The following KIF3A variants were observed in gnomAD, a reference collection of about 807,000 sequenced individuals.
The protein encoded by KIF3A is kinesin-like protein KIF3A.
A neutral mutation model predicts 92.6 loss-of-function variants in KIF3A; 27 were observed. That is an observed-to-expected ratio of 0.29 (90% CI 0.21 to 0.40). The LOEUF (loss-of-function observed/expected upper bound fraction) is 0.40. Among genes scored for constraint, KIF3A ranks in the 10% least tolerant of loss-of-function variants. The pLI is 1.00. For synonymous variants in KIF3A, 250 were observed against 275.4 expected (o/e 0.91, Z 0.92); for missense variants, 581 against 872.6 (o/e 0.67, Z 4.21).
At chr5:132,732,336 C>T (rs1754259694) in intron 2 of KIF3A, among the ~76,000 whole-genome samples, 2 of 152,182 alleles carry the variant, frequency 1.3e-5, no homozygotes, top group Admixed American at 1.3e-4. Flanking sequence ...AGAAACTAAA[C>T]ATATGTTCAC....
chr5:132,702,859 A>C, intron 13 of KIF3A, 26 bp downstream of exon 13: 1 of 1,604,448 alleles, frequency 6.2e-7, no homozygotes, highest in East Asian at 2.2e-5. Context: ...GCAAAATACC[A>C]AACTAAAAAC....
At chr5:132,728,264 C>A (rs996195051) in intron 2 of KIF3A, among the ~76,000 whole-genome samples, 4 of 151,918 alleles carry the variant, frequency 2.6e-5, no homozygotes, top group African/African-American at 9.7e-5. Context: ...AGCAGTGGCA[C>A]GATCATAGCT....
chr5:132,700,518 A>G (rs1752998069), intron 16 of KIF3A, 129 bp downstream of exon 16: 1 of 683,134 alleles, frequency 1.5e-6, no homozygotes, highest in Non-Finnish European at 2.6e-6. Flanking sequence ...AAAATATTTT[A>G]TCTGCCCTAC....
chr5:132,730,450 G>A (rs1754188501), intron 2 of KIF3A, among the ~76,000 whole-genome samples: 1 of 146,336 alleles, frequency 6.8e-6, no homozygotes, highest in Non-Finnish European at 1.5e-5. Context: ...CTGGGCAACA[G>A]AGCAAGACTC....
downstream of KIF3A, among the ~76,000 whole-genome samples, chr5:132,691,357 G>C (rs1859138): frequency 0.52 from 78,745 of 151,368 alleles, 25,427 homozygotes; most frequent in Non-Finnish European, 0.74. Context: ...AGACGAGCCT[G>C]ACCAACATGG....
chr5:132,689,186 C>T (rs934455551), downstream of KIF3A, among the ~76,000 whole-genome samples: 1 of 152,194 alleles, frequency 6.6e-6, no homozygotes, highest in African/African-American at 2.4e-5. Flanking sequence ...GCAAATGAAA[C>T]AGCTTAAGAC....
chr5:132,690,203 G>C (rs1447626661), downstream of KIF3A, among the ~76,000 whole-genome samples: 1 of 151,550 alleles, frequency 6.6e-6, no homozygotes, highest in Non-Finnish European at 1.5e-5. Flanking sequence ...GCAACAGAGT[G>C]AGACTCTGTC....
chr5:132,728,110 T>C (rs1487478048), intron 2 of KIF3A, among the ~76,000 whole-genome samples: 4 of 152,198 alleles, frequency 2.6e-5, no homozygotes, highest in African/African-American at 7.2e-5. Flanking sequence ...CATTTCAGAA[T>C]AGACACATTA....
Position 132,694,018 on chromosome 5 carries a change from T to A in KIF3A, c.*2616A>T, listed in dbSNP as rs935302382. ...AAGATATTCAGGCCAGGCTTATGTA[T>A]CAAATTTTGGTATTTCTGAGATGGA... On this transcript the variant is annotated 3_prime_UTR_variant, in exon 19 of 19. Coordinates refer to ENST00000403231, the MANE Select transcript of KIF3A (RefSeq NM_001300791.2). The A allele has an allele frequency of 2.6e-5, 4 of 151,530 alleles. No individual in the cohort carries two copies. Among genetic ancestry groups the A allele is most frequent in the African/African-American group, 4.9e-5 (2 of 41,162 alleles). The allele number at this position is 151,530 out of a possible 1,614,324, so 9.4% of individuals were successfully genotyped here. A position where few individuals can be genotyped will look rare whatever the true frequency, so the allele number is the denominator to read the frequency against.
intron 1 of KIF3A, among the ~76,000 whole-genome samples, 170 bp downstream of exon 1, chr5:132,737,244 G>C (rs1337546886): frequency 6.6e-6 from 1 of 152,206 alleles, no homozygotes; most frequent in African/African-American, 2.4e-5. Flanking sequence ...GGACCCCCGC[G>C]GCCCCGGGGC....
At chr5:132,709,011 C>G in intron 9 of KIF3A, 33 bp from the exon 10 acceptor site, 2 of 1,483,206 alleles carry the variant, frequency 1.3e-6, no homozygotes, top group African/African-American at 1.4e-5. Flanking sequence ...CAACAGGAAC[C>G]AAAGAAAGAG....
At chr5:132,690,346 G>T (rs141875822), downstream of KIF3A, among the ~76,000 whole-genome samples, 224 of 152,180 alleles carry the variant, frequency 1.5e-3, no homozygotes, top group African/African-American at 5.3e-3. Flanking sequence ...AGCTATGAAC[G>T]CACCACTGCA....
At chr5:132,699,622 G>A (rs1484763279) in intron 17 of KIF3A, 16 of 436,782 alleles carry the variant, frequency 3.7e-5, no homozygotes, top group South Asian at 1.3e-4. Flanking sequence ...GCAGTAGCGC[G>A]ATCTGGGCTC....
chr5:132,703,672 C>CT, intron 11 of KIF3A, 53 bp from the exon 12 acceptor site: 1 of 1,371,402 alleles, frequency 7.3e-7, no homozygotes, highest in African/African-American at 1.4e-5. Context: ...ATGTTTCAGA[C>CT]TTATATAAAT....
At chr5:132,716,589 T>C (rs967066551) in intron 6 of KIF3A, 147 bp from the exon 7 acceptor site, 21 of 778,738 alleles carry the variant, frequency 2.7e-5, no homozygotes, top group Non-Finnish European at 4.2e-5. Flanking sequence ...AAGGAAGAAG[T>C]GGGGGAGAGT....
chr5:132,711,993 A>C (rs989869386), intron 8 of KIF3A, among the ~76,000 whole-genome samples: 1 of 152,238 alleles, frequency 6.6e-6, no homozygotes, highest in East Asian at 1.9e-4. Flanking sequence ...GAAATGTCTA[A>C]CAAAATAAAA....
intron 9 of KIF3A, among the ~76,000 whole-genome samples, chr5:132,710,732 G>C (rs1048548282): frequency 6.6e-6 from 1 of 152,070 alleles, no homozygotes; most frequent in East Asian, 1.9e-4. Context: ...GTATTATAGA[G>C]TCTTACAATT....
chr5:132,729,683 A>AT lies in KIF3A; in HGVS notation c.281-3186_281-3185insA, dbSNP rs1355519760. Among the ~76,000 whole-genome samples, 52 of 152,330 alleles carry AT rather than the reference A, an allele frequency of 3.4e-4. No homozygotes were observed. The East Asian group carries it at 8.5e-3, about 25-fold the overall frequency. Reference sequence around the variant, plus strand: ...CAAAGAATAAATCAGGAGGTAAAATAGTATTTTGAACTACATGAAAATGAA... The same window carrying AT: ...CAAAGAATAAATCAGGAGGTAAAATATGTATTTTGAACTACATGAAAATGAA... On this transcript the variant is annotated intron_variant, in intron 2 of 18. Coordinates refer to ENST00000403231, the MANE Select transcript of KIF3A (RefSeq NM_001300791.2).
intron 9 of KIF3A, 127 bp downstream of exon 9, chr5:132,710,832 G>A: frequency 8.0e-7 from 1 of 1,253,124 alleles, no homozygotes; most frequent in Non-Finnish European, 1.1e-6. Context: ...CAGGTAAATG[G>A]CATACATCTT....
Sources: gnomAD v4.1 joint callset for allele counts (sites outside exome capture counted in the v4.1 genomes callset) on GRCh38, gnomAD v4.1.1 for gene constraint, MANE v1.5 for transcripts, NCBI Gene and HGNC (gene_info 2026-07-23, HGNC 2026-07-21) for gene names.